POLR3B: variants seen among roughly 807,000 people sequenced by gnomAD.
POLR3B encodes RNA polymerase III subunit B, also known as DNA-directed RNA polymerase III subunit RPC2.
POLR3B carries 96 observed loss-of-function variants against 147.4 expected under a neutral mutation model. The ratio of observed to expected loss-of-function variants is 0.65; its 90% CI spans 0.55 to 0.77. POLR3B has a LOEUF of 0.77. Among genes scored for constraint, POLR3B ranks in the 30% least tolerant of loss-of-function variants. The pLI, the probability that POLR3B is intolerant of heterozygous loss-of-function variation, is 0.00. For missense variants in POLR3B, 1,036 were observed against 1,413.5 expected, an observed-to-expected ratio of 0.73 and a Z score of 4.28; for synonymous variants, 461 against 485.9, an observed-to-expected ratio of 0.95 and a Z score of 0.67.
At chr12:106,376,261 C>A in intron 6 of POLR3B, 98 bp from the exon 7 acceptor site, 1 of 792,194 alleles carries the variant, frequency 1.3e-6, no homozygotes, top group Non-Finnish European at 2.2e-6. Flanking sequence ...ATAGATAGAC[C>A]CTTAGTGAGG....
At chr12:106,401,911 A>C (rs886485011) in intron 10 of POLR3B, among the ~76,000 whole-genome samples, 1 of 152,244 alleles carries the variant, frequency 6.6e-6, no homozygotes, top group African/African-American at 2.4e-5. Context: ...CAGGACAGGG[A>C]TGCCCTCTCT....
chr12:106,439,981 CA>C (rs1449574780), intron 18 of POLR3B, among the ~76,000 whole-genome samples: 8 of 152,258 alleles, frequency 5.3e-5, no homozygotes, highest in African/African-American at 1.9e-4. Flanking sequence ...ATCACTTGAG[CA>C]CAGTTTGAGG....
intron 23 of POLR3B, among the ~76,000 whole-genome samples, chr12:106,466,955 G>C (rs2038014491): frequency 6.6e-6 from 1 of 152,192 alleles, no homozygotes; most frequent in South Asian, 2.1e-4. Context: ...GGTTCCATAT[G>C]AACTTTAAAG....
chr12:106,492,831 G>A lies in POLR3B; in HGVS notation c.2714-3224G>A, dbSNP rs186264765. 6.6e-5 allele frequency among the ~76,000 whole-genome samples: 10 copies of A among 152,204 alleles called. No homozygotes were observed. In the East Asian group the frequency reaches 1.7e-3, roughly 27 times the overall value. On this transcript the variant is annotated intron_variant, in intron 23 of 27. Coordinates refer to ENST00000228347, the MANE Select transcript of POLR3B (RefSeq NM_018082.6). ...GATGGTGATGGAATAATATTTTGTC[G>A]ATTGGGGTATTGGCAGTCCCTTTCT...
intron 9 of POLR3B, among the ~76,000 whole-genome samples, chr12:106,390,790 G>T (rs762436912): frequency 2.0e-5 from 3 of 152,066 alleles, no homozygotes; most frequent in Middle Eastern, 3.4e-3. Flanking sequence ...TATCTGTGCT[G>T]TGTAACAGAT....
intron 10 of POLR3B, among the ~76,000 whole-genome samples, chr12:106,398,340 C>G (rs1405839505): frequency 1.3e-5 from 2 of 152,186 alleles, no homozygotes; most frequent in South Asian, 4.1e-4. Flanking sequence ...CTGGGAAGCT[C>G]GAACTGGGTG....
intron 18 of POLR3B, among the ~76,000 whole-genome samples, chr12:106,440,403 A>C (rs1297520783): frequency 6.6e-6 from 1 of 152,196 alleles, no homozygotes; most frequent in East Asian, 1.9e-4. Context: ...TCTCTTCTCA[A>C]ATCCCTCAGG....
intron 1 of POLR3B, 63 bp downstream of exon 1, chr12:106,358,014 GA>G (rs1436675867): frequency 6.3e-7 from 1 of 1,591,104 alleles, no homozygotes; most frequent in East Asian, 2.3e-5. Context: ...GCGTTGCCCG[GA>G]GTGCTCGGGC....
chr12:106,375,416 AT>A (rs2036664251), intron 6 of POLR3B, among the ~76,000 whole-genome samples: 1 of 152,104 alleles, frequency 6.6e-6, no homozygotes, highest in Admixed American at 6.5e-5. Flanking sequence ...CTTCTCACCT[AT>A]TCTGTGTATT....
chr12:106,388,351 C>G (rs2136911858), intron 9 of POLR3B, among the ~76,000 whole-genome samples: 1 of 151,372 alleles, frequency 6.6e-6, no homozygotes, highest in East Asian at 2.0e-4. Context: ...TGGAGTCTTG[C>G]TCTGTCACCA....
At chr12:106,393,301 C>A in intron 10 of POLR3B, 148 bp downstream of exon 10, 1 of 1,224,578 alleles carries the variant, frequency 8.2e-7, no homozygotes, top group Non-Finnish European at 1.2e-6. Flanking sequence ...GTTTCTTTAA[C>A]TCACTTTCGT....
At chr12:106,413,047 T>C (rs1307517067) in intron 12 of POLR3B, among the ~76,000 whole-genome samples, 1 of 152,194 alleles carries the variant, frequency 6.6e-6, no homozygotes, top group Non-Finnish European at 1.5e-5. Flanking sequence ...ATATCAGATA[T>C]ATGATTTGCA....
At chr12:106,503,443 T>A (rs905453747) in intron 26 of POLR3B, among the ~76,000 whole-genome samples, 7 of 152,198 alleles carry the variant, frequency 4.6e-5, no homozygotes, top group Admixed American at 6.5e-5. Flanking sequence ...TTGCTTTTTT[T>A]TCCCCCCAAA....
chr12:106,419,172 C>A (rs1156633736), intron 12 of POLR3B, among the ~76,000 whole-genome samples: 2 of 152,186 alleles, frequency 1.3e-5, no homozygotes, highest in African/African-American at 2.4e-5. Context: ...GCACCTGCTT[C>A]CATTCCCATA....
At chr12:106,501,471 T>C (rs1420788931) in intron 26 of POLR3B, 35 bp downstream of exon 26, 2 of 1,200,410 alleles carry the variant, frequency 1.7e-6, no homozygotes, top group Admixed American at 1.7e-5. Flanking sequence ...GAATTGATAA[T>C]GCAGTCAAGT....
chr12:106,454,368 C>G (rs2037837740), intron 19 of POLR3B, 134 bp from the exon 20 acceptor site: 5 of 652,236 alleles, frequency 7.7e-6, no homozygotes, highest in Non-Finnish European at 1.4e-5. Flanking sequence ...GAGAGTATTG[C>G]TTTTGAAATG....
chr12:106,362,735 T>C (rs1565871886), intron 1 of POLR3B, among the ~76,000 whole-genome samples: 1 of 152,186 alleles, frequency 6.6e-6, no homozygotes, highest in Admixed American at 6.5e-5. Context: ...CATTCTGAGA[T>C]ACTGGGGATT....
chr12:106,510,157 G>C lies in POLR3B; in HGVS notation c.*608G>C, dbSNP rs941609778. On this transcript the variant is annotated 3_prime_UTR_variant, in exon 28 of 28. Transcript: ENST00000228347. ...AATTGCTATTATTTTAAACCTGCATGATTGTACCATGCAATACTATTCGTT... is the reference window on the plus strand; with the variant it reads ...AATTGCTATTATTTTAAACCTGCATCATTGTACCATGCAATACTATTCGTT... 1 of 162,256 alleles carries C rather than the reference G, an allele frequency of 6.2e-6. No homozygotes were observed. The highest frequency in any genetic ancestry group is 2.4e-5 in the African/African-American group (1 of 41,534). 10.1% of individuals were successfully genotyped at this position (162,256 alleles called of 1,614,324 possible).
intron 13 of POLR3B, 141 bp downstream of exon 13, chr12:106,427,499 G>A: frequency 1.3e-6 from 1 of 795,368 alleles, no homozygotes; most frequent in African/African-American, 1.7e-5. Flanking sequence ...TTTCTACTTT[G>A]AAAGAAAGTC....
Sources: gnomAD v4.1 joint callset for allele counts (sites outside exome capture counted in the v4.1 genomes callset) on GRCh38, gnomAD v4.1.1 for gene constraint, MANE v1.5 for transcripts, NCBI Gene and HGNC (gene_info 2026-07-23, HGNC 2026-07-21) for gene names.